Variants in VPS13D observed in about 807,000 individuals in gnomAD.
VPS13D encodes the protein vacuolar protein sorting 13 homolog D, also known as intermembrane lipid transfer protein VPS13D.
A neutral mutation model predicts 461.9 loss-of-function variants in VPS13D; 187 were observed. The ratio of observed to expected loss-of-function variants is 0.40; its 90% CI spans 0.36 to 0.46. The LOEUF (loss-of-function observed/expected upper bound fraction) is 0.46. Among genes scored for constraint, VPS13D ranks in the 20% least tolerant of loss-of-function variants. The pLI, the probability that VPS13D is intolerant of heterozygous loss-of-function variation, is 0.60. For missense variants in VPS13D, 4,711 were observed against 5,364.9 expected (o/e 0.88, Z 3.81); for synonymous variants, 1,951 against 1,986.3 (o/e 0.98, Z 0.47).
intron 65 of VPS13D, among the ~76,000 whole-genome samples, chr1:12,421,808 T>A (rs1343927695): frequency 6.6e-6 from 1 of 152,150 alleles, no homozygotes; most frequent in African/African-American, 2.4e-5. Context: ...AAACCTCTGC[T>A]CATTCTGTCC....
intron 63 of VPS13D, among the ~76,000 whole-genome samples, chr1:12,405,021 C>G (rs1056447232): frequency 6.6e-6 from 1 of 152,198 alleles, no homozygotes; most frequent in Non-Finnish European, 1.5e-5. Flanking sequence ...CATCTTGCTG[C>G]GCAGAAACAG....
intron 68 of VPS13D, chr1:12,499,833 G>A (rs1646011985): frequency 1.0e-6 from 1 of 985,292 alleles, no homozygotes; most frequent in African/African-American, 1.7e-5. Context: ...TCGCGGTGGA[G>A]TGAACATTAC....
At position 12,256,327 on chromosome 1, in the gene VPS13D, A is replaced by C; in HGVS notation, c.670-6A>C. 1.9e-6 allele frequency: 3 copies of C among 1,613,008 alleles called. No individual in the cohort carries two copies. Among genetic ancestry groups the C allele is most frequent in the Non-Finnish European group, 2.5e-6 (3 of 1,179,780 alleles). On this transcript the variant is annotated splice_polypyrimidine_tract_variant and splice_region_variant and intron_variant, in intron 7 of 69. Coordinates refer to ENST00000620676, the MANE Select transcript of VPS13D (RefSeq NM_015378.4). Reference sequence around the variant, plus strand: ...GGAGCAGAGCAGGTGTTCTTGTGACACACAGGAGGCCATGGCCAGGAGCAT... The same window carrying C: ...GGAGCAGAGCAGGTGTTCTTGTGACCCACAGGAGGCCATGGCCAGGAGCAT...
In VPS13D at chr1:12,368,451, G is replaced by A. The variant is rs1644070059; in HGVS notation, c.10449-17G>A. The A allele has an allele frequency of 1.3e-6, 2 of 1,589,930 alleles. No individual in the cohort carries two copies. The highest frequency in any genetic ancestry group is 1.7e-6 in the Non-Finnish European group (2 of 1,170,278). Reference sequence around the variant, plus strand: ...TCCTACATTTTATGTAGCCTCTTTTGTTTCCTTGTCCTGCAGGGATACCTT... The same window carrying A: ...TCCTACATTTTATGTAGCCTCTTTTATTTCCTTGTCCTGCAGGGATACCTT... On this transcript the variant is annotated splice_polypyrimidine_tract_variant and intron_variant, in intron 52 of 69. Transcript: ENST00000620676.
At chr1:12,424,250 G>T (rs2100270234) in intron 65 of VPS13D, among the ~76,000 whole-genome samples, 2 of 152,320 alleles carry the variant, frequency 1.3e-5, no homozygotes, top group Middle Eastern at 6.8e-3. Flanking sequence ...TTCTTTTCCA[G>T]TCAAGAGGAG....
chr1:12,309,221 T>C (rs1021787726), intron 27 of VPS13D, among the ~76,000 whole-genome samples: 1 of 149,022 alleles, frequency 6.7e-6, no homozygotes, highest in Non-Finnish European at 1.5e-5. Context: ...TCTTTTTTTT[T>C]TTTTTTTTGA....
At position 12,314,233 on chromosome 1, in the gene VPS13D, A is replaced by T. The variant is rs1174100129; in HGVS notation, c.7054A>T (p.Ser2352Cys). 1 of 1,614,100 alleles carries T rather than the reference A, an allele frequency of 6.2e-7. No individual in the cohort carries two copies. The highest frequency in any genetic ancestry group is 8.5e-7 in the Non-Finnish European group (1 of 1,180,042). ...FDTRYAGQKTSPGMTNVFSCI... is the reference protein window; with the variant it reads ...FDTRYAGQKTCPGMTNVFSCI... Reference sequence around the variant, plus strand: ...CACCCGTTATGCTGGGCAGAAGACCAGCCCTGGCATGACGAATGTGTTCAG... The same window carrying T: ...CACCCGTTATGCTGGGCAGAAGACCTGCCCTGGCATGACGAATGTGTTCAG... Residue 2352 changes from serine to cysteine, a missense_variant, in exon 30 of 70, where the codon AGC becomes TGC. This residue lies in a region of VPS13D where 4,411 missense variants were observed against 4,937.8 expected (regional missense o/e 0.89). Transcript: ENST00000620676.
chr1:12,237,054 T>C (rs1640171683), intron 2 of VPS13D, among the ~76,000 whole-genome samples: 1 of 151,536 alleles, frequency 6.6e-6, no homozygotes, highest in Admixed American at 6.6e-5. Flanking sequence ...AAAGAGATTG[T>C]GTGTGTGTGT....
At position 12,509,054 on chromosome 1, in the gene VPS13D, C is replaced by A; in HGVS notation, c.*30C>A. On this transcript the variant is annotated 3_prime_UTR_variant, in exon 70 of 70. Coordinates refer to ENST00000620676, the MANE Select transcript of VPS13D (RefSeq NM_015378.4). ...CCGCTGCTGAGATGGGCGCTCCCGA[C>A]ACAGCGCAGACCCACCAGGAGGAAA... 1 of 1,612,000 alleles carries A rather than the reference C, an allele frequency of 6.2e-7. No individual in the cohort carries two copies. Among genetic ancestry groups the A allele is most frequent in the Non-Finnish European group, 8.5e-7 (1 of 1,179,110 alleles).
At chr1:12,470,126 CG>C (rs1645543198) in intron 67 of VPS13D, among the ~76,000 whole-genome samples, 2 of 152,160 alleles carry the variant, frequency 1.3e-5, no homozygotes, top group Non-Finnish European at 2.9e-5. Flanking sequence ...CTTCAAACAT[CG>C]ATAATGGCAG....
chr1:12,506,549 T>C (rs1327328122), intron 68 of VPS13D, among the ~76,000 whole-genome samples: 1 of 152,206 alleles, frequency 6.6e-6, no homozygotes, highest in Non-Finnish European at 1.5e-5. Flanking sequence ...CATGTTTCCC[T>C]CTCCTCTGCC....
intron 36 of VPS13D, among the ~76,000 whole-genome samples, chr1:12,328,158 G>A (rs896300601): frequency 6.6e-6 from 1 of 152,046 alleles, no homozygotes; most frequent in Non-Finnish European, 1.5e-5. Context: ...TCTAAAGATT[G>A]TAGTGAATAC....
intron 67 of VPS13D, among the ~76,000 whole-genome samples, chr1:12,491,080 A>T (rs1179557325): frequency 1.3e-5 from 2 of 152,232 alleles, no homozygotes; most frequent in African/African-American, 4.8e-5. Context: ...TGGAAGAGGT[A>T]GTCTGGATTG....
At chr1:12,464,733 G>A (rs540608045) in intron 67 of VPS13D, among the ~76,000 whole-genome samples, 14 of 152,216 alleles carry the variant, frequency 9.2e-5, no homozygotes, top group African/African-American at 3.4e-4. Flanking sequence ...AGAAGAGGGC[G>A]GAGGACTGCA....
In VPS13D at chr1:12,510,135, G is replaced by GT. The variant is rs1472589669; in HGVS notation, c.*1112dup. ...ATAGGAGTATTAAAAAGCTGCGTTG[G>GT]TAAGTTTTTCATGGAACCAAGATTT... is the stretch of plus-strand genomic sequence containing the variant. On this transcript the variant is annotated 3_prime_UTR_variant, in exon 70 of 70. Transcript: ENST00000620676. 2.0e-5 allele frequency: 3 copies of GT among 152,206 alleles called. No individual in the cohort carries two copies. The highest frequency in any genetic ancestry group is 4.4e-5 in the Non-Finnish European group (3 of 68,054). 9.4% of individuals were successfully genotyped at this position (152,206 alleles called of 1,614,324 possible). A position where few individuals can be genotyped will look rare whatever the true frequency, so the allele number is the denominator to read the frequency against.
chr1:12,435,812 G>A (rs1307036101), intron 65 of VPS13D, among the ~76,000 whole-genome samples: 3 of 152,004 alleles, frequency 2.0e-5, no homozygotes, highest in Non-Finnish European at 4.4e-5. Context: ...TTGAGTCACA[G>A]TTTAAAGTCA....
rs373680237 is a variant in VPS13D, at chr1:12,405,989, C to T, written c.12030+2016C>T. On this transcript the variant is annotated intron_variant, in intron 63 of 69. Coordinates refer to ENST00000620676, the MANE Select transcript of VPS13D (RefSeq NM_015378.4). The stretch of plus-strand genomic sequence containing the variant: ...CCCAGTTACATGATGGTTGTGTGTG[C>T]GCTCGGCATACAATCAACGAAATCA... Among the ~76,000 whole-genome samples the T allele has an allele frequency of 2.7e-4, 41 of 152,276 alleles. No homozygotes were observed. The East Asian group carries it at 6.2e-3, about 23-fold the overall frequency.
intron 39 of VPS13D, chr1:12,337,247 A>G (rs527763029): frequency 6.6e-6 from 1 of 152,220 alleles, no homozygotes; most frequent in East Asian, 1.9e-4. Context: ...AAATTTCCAA[A>G]CCTCTTTTCT....
At chr1:12,407,227 T>G (rs1179168602) in intron 63 of VPS13D, 1 of 152,226 alleles carries the variant, frequency 6.6e-6, no homozygotes, top group Non-Finnish European at 1.5e-5. Flanking sequence ...GTACCATAAA[T>G]AAACCTTTAA....
Sources: gnomAD v4.1 joint callset for allele counts (sites outside exome capture counted in the v4.1 genomes callset) on GRCh38, gnomAD v4.1.1 for gene constraint, gnomAD v4.1.1 regional missense constraint, MANE v1.5 for transcripts, NCBI Gene and HGNC (gene_info 2026-07-23, HGNC 2026-07-21) for gene names.